Variants in KDM3B observed in about 807,000 individuals in gnomAD.
The protein encoded by KDM3B is lysine demethylase 3B, also known as lysine-specific demethylase 3B.
KDM3B carries 10 observed loss-of-function variants against 170.0 expected under a neutral mutation model. That is an observed-to-expected ratio of 0.06 (90% CI 0.04 to 0.10). The LOEUF is 0.10. KDM3B is among the 10% of genes least tolerant of loss of function. The pLI, the probability that KDM3B is intolerant of heterozygous loss-of-function variation, is 1.00. For missense variants in KDM3B, 1,394 were observed against 2,195.2 expected (o/e 0.64, Z 7.29); for synonymous variants, 831 against 834.8 (o/e 1.00, Z 0.08).
intron 15 of KDM3B, among the ~76,000 whole-genome samples, chr5:138,422,176 G>T (rs1483061272): frequency 6.6e-6 from 1 of 151,868 alleles, no homozygotes; most frequent in Non-Finnish European, 1.5e-5. Flanking sequence ...TTTTTTCACA[G>T]CACTCATTAC....
intron 9 of KDM3B, among the ~76,000 whole-genome samples, chr5:138,396,290 T>A (rs557067541): frequency 6.6e-6 from 1 of 151,990 alleles, no homozygotes; most frequent in Admixed American, 6.5e-5. Flanking sequence ...AGAGACAGGG[T>A]TTCACCGTGT....
At chr5:138,409,619 T>C (rs1222819598) in intron 11 of KDM3B, among the ~76,000 whole-genome samples, 2 of 152,112 alleles carry the variant, frequency 1.3e-5, no homozygotes, top group Admixed American at 6.6e-5. Flanking sequence ...TATTTGTGGA[T>C]CCAAAGATTG....
intron 10 of KDM3B, among the ~76,000 whole-genome samples, chr5:138,399,137 C>T (rs1229673445): frequency 6.6e-6 from 1 of 151,750 alleles, no homozygotes; most frequent in East Asian, 2.0e-4. Flanking sequence ...ATCTGCCCGC[C>T]TCAGCCTTCC....
At position 138,398,432 on chromosome 5, in the gene KDM3B, G is replaced by T. The variant is rs756894533; in HGVS notation, c.3046+40G>T. Reference sequence around the variant, plus strand: ...CACTTGTCTTCCAGGTGCTCCTAGTGAAAAACTTTTATTTTCTTTCACTTA... The same window carrying T: ...CACTTGTCTTCCAGGTGCTCCTAGTTAAAAACTTTTATTTTCTTTCACTTA... On this transcript the variant is annotated intron_variant, in intron 10 of 23. Transcript: ENST00000314358. The T allele has an allele frequency of 1.2e-5, 19 of 1,568,492 alleles. No individual in the cohort carries two copies. The Admixed American group carries it at 1.2e-4, about 10-fold the overall frequency.
chr5:138,423,317 A>G lies in KDM3B; in HGVS notation c.3973-758A>G, dbSNP rs138171630. On this transcript the variant is annotated intron_variant, in intron 15 of 23. Coordinates refer to ENST00000314358, the MANE Select transcript of KDM3B (RefSeq NM_016604.4). Reference sequence around the variant, plus strand: ...ACCGTTTTATGTATACTTGTTCATCATACTGCCAGTTCTTTTTCTAATTCT... The same window carrying G: ...ACCGTTTTATGTATACTTGTTCATCGTACTGCCAGTTCTTTTTCTAATTCT... Among the ~76,000 whole-genome samples the G allele has an allele frequency of 8.1e-4, 123 of 152,344 alleles. No homozygotes were observed. In the Middle Eastern group the frequency reaches 0.014, roughly 17 times the overall value.
At chr5:138,388,108 T>C (rs1762329513) in intron 7 of KDM3B, among the ~76,000 whole-genome samples, 1 of 151,728 alleles carries the variant, frequency 6.6e-6, no homozygotes, top group African/African-American at 2.4e-5. Context: ...CAAAAACAAC[T>C]CCATGTCAAA....
chr5:138,410,190 C>T (rs1561785079), intron 11 of KDM3B, among the ~76,000 whole-genome samples: 1 of 152,168 alleles, frequency 6.6e-6, no homozygotes, highest in Non-Finnish European at 1.5e-5. Context: ...AAATCAAAGT[C>T]TCAGTAGGCC....
intron 16 of KDM3B, among the ~76,000 whole-genome samples, chr5:138,425,060 T>C (rs900489984): frequency 2.6e-5 from 4 of 152,242 alleles, no homozygotes; most frequent in South Asian, 2.1e-4. Flanking sequence ...TTAAAAACTT[T>C]AGCAGGTGCT....
intron 7 of KDM3B, among the ~76,000 whole-genome samples, chr5:138,389,780 C>CTGTGTGTGTGTG (rs1230677685): frequency 1.3e-4 from 16 of 120,350 alleles, no homozygotes; most frequent in Non-Finnish European, 2.0e-4. Flanking sequence ...CTCTCTCTCT[C>CTGTGTGTGTGTG]TCTGTGTGTG....
At chr5:138,372,079 C>T (rs981114760) in intron 1 of KDM3B, among the ~76,000 whole-genome samples, 2 of 152,144 alleles carry the variant, frequency 1.3e-5, no homozygotes, top group Non-Finnish European at 2.9e-5. Context: ...CGCCATTTCA[C>T]TCCAGCTTGG....
intron 7 of KDM3B, among the ~76,000 whole-genome samples, chr5:138,390,071 G>C (rs868306695): frequency 3.9e-5 from 6 of 152,098 alleles, no homozygotes; most frequent in African/African-American, 7.2e-5. Context: ...GTGTTGGCCA[G>C]GATGGTCTTG....
Position 138,391,583 on chromosome 5 carries a change from A to G in KDM3B, c.1951A>G (p.Ser651Gly). 1 of 1,614,112 alleles carries G rather than the reference A, an allele frequency of 6.2e-7. No homozygotes were observed. The highest frequency in any genetic ancestry group is 2.2e-5 in the East Asian group (1 of 44,878). Residue 651 changes from serine to glycine, a missense_variant, in exon 8 of 24, where the codon AGT (serine) becomes GGT (glycine). Physicochemically the swap from Ser to Gly is moderately conservative, Grantham distance 56 (BLOSUM62 0). This residue lies in a region of KDM3B where 294 missense variants were observed against 311.7 expected (regional missense o/e 0.94). Transcript: ENST00000314358. The surrounding 1 kb of genome is among the most constrained non-coding windows in gnomAD (Gnocchi z 5.0). ...GAAAGTTGAACACAGCCCTTTCAGT[A>G]GTTTTGCATCTCAGGCATCAGGTAG... The part of the protein sequence containing the change: ...VEKVEHSPFS[S>G]FASQASGSSS...
chr5:138,395,914 TG>T (rs1157377792), intron 9 of KDM3B, among the ~76,000 whole-genome samples: 1 of 151,876 alleles, frequency 6.6e-6, no homozygotes, highest in Non-Finnish European at 1.5e-5. Context: ...CACTGCACCC[TG>T]CACAAATCAA....
At chr5:138,397,687 C>T (rs149336393) in intron 9 of KDM3B, among the ~76,000 whole-genome samples, 204 of 151,984 alleles carry the variant, frequency 1.3e-3, no homozygotes, top group African/African-American at 4.5e-3. Flanking sequence ...ATGGCGAAAC[C>T]CTGTCTCTAC....
intron 6 of KDM3B, among the ~76,000 whole-genome samples, chr5:138,384,917 A>G (rs1245846376): frequency 1.4e-5 from 2 of 142,624 alleles, no homozygotes; most frequent in East Asian, 2.0e-4. Flanking sequence ...CCATCTCAGG[A>G]AAAAAAAAAA....
intron 1 of KDM3B, among the ~76,000 whole-genome samples, chr5:138,358,294 C>G (rs978289082): frequency 7.7e-6 from 1 of 130,344 alleles, no homozygotes; most frequent in Non-Finnish European, 1.6e-5. Flanking sequence ...AATTTTTTTT[C>G]TTTCTTTCTT....
chr5:138,426,946 T>C, intron 17 of KDM3B, 29 bp from the exon 18 acceptor site: 1 of 1,551,754 alleles, frequency 6.4e-7, no homozygotes, highest in Non-Finnish European at 8.9e-7. Context: ...AACCAGCAGA[T>C]GTTTGTGGGA....
intron 19 of KDM3B, 113 bp from the exon 20 acceptor site, chr5:138,427,854 C>G: frequency 1.1e-6 from 1 of 939,836 alleles, no homozygotes; most frequent in Non-Finnish European, 1.6e-6. Flanking sequence ...AGACTTCACT[C>G]TCCTAATTTT....
intron 8 of KDM3B, among the ~76,000 whole-genome samples, chr5:138,392,848 A>C (rs890666906): frequency 6.6e-6 from 1 of 152,204 alleles, no homozygotes; most frequent in Non-Finnish European, 1.5e-5. Context: ...AGAGGTCCTG[A>C]TGAACAGAAT....
Sources: gnomAD v4.1 joint callset for allele counts (sites outside exome capture counted in the v4.1 genomes callset) on GRCh38, gnomAD v4.1.1 for gene constraint, gnomAD v4.1.1 regional missense constraint, Gnocchi (gnomAD v3.1) non-coding constraint, MANE v1.5 for transcripts, NCBI Gene and HGNC (gene_info 2026-07-23, HGNC 2026-07-21) for gene names.